The following AMPH variants were observed in gnomAD, a reference collection of about 807,000 sequenced individuals.
The protein encoded by AMPH is amphiphysin (Stiff-Mann syndrome with breast cancer 128kD autoantigen).
AMPH carries 49 observed loss-of-function variants against 99.1 expected under a neutral mutation model. The ratio of observed to expected loss-of-function variants is 0.49; its 90% CI spans 0.39 to 0.63. AMPH has a LOEUF of 0.63. Among genes scored for constraint, AMPH ranks in the 20% least tolerant of loss-of-function variants. AMPH has a pLI of 0.00. For synonymous variants in AMPH, 314 were observed against 317.3 expected, an observed-to-expected ratio of 0.99 and a Z score of 0.11; for missense variants, 759 against 863.4, an observed-to-expected ratio of 0.88 and a Z score of 1.52.
At chr7:38,524,181 A>G (rs1360812784) in intron 2 of AMPH, among the ~76,000 whole-genome samples, 1 of 152,188 alleles carries the variant, frequency 6.6e-6, no homozygotes, top group Non-Finnish European at 1.5e-5. Context: ...TGAGAAAAGT[A>G]TCGGGCAAAT....
chr7:38,610,296 GA>G (rs11317499), intron 1 of AMPH, among the ~76,000 whole-genome samples: 725 of 7,278 alleles, frequency 0.1, 40 homozygotes, highest in African/African-American at 0.22. Flanking sequence ...AAGAAAGAAA[GA>G]AAAGAAAAGA....
chr7:38,613,606 A>G (rs10257029), intron 1 of AMPH, among the ~76,000 whole-genome samples: 12,188 of 152,244 alleles, frequency 0.08, 803 homozygotes, highest in African/African-American at 0.17. Flanking sequence ...TGAACCTTTC[A>G]TAAAATGCTC....
chr7:38,433,180 C>T (rs767599828), intron 12 of AMPH, among the ~76,000 whole-genome samples: 3 of 152,110 alleles, frequency 2.0e-5, no homozygotes, highest in Admixed American at 6.5e-5. Context: ...ATTTGGGCTC[C>T]GTATTATAGA....
At chr7:38,516,889 C>T (rs2196675) in intron 2 of AMPH, among the ~76,000 whole-genome samples, 148,919 of 152,352 alleles carry the variant, frequency 0.98, 72,797 homozygotes, top group East Asian at 1. Context: ...ATTTTGGACC[C>T]TTCAGATTTA....
intron 1 of AMPH, among the ~76,000 whole-genome samples, chr7:38,576,836 C>T (rs1408085494): frequency 6.6e-6 from 1 of 152,162 alleles, no homozygotes; most frequent in Non-Finnish European, 1.5e-5. Context: ...TGCTAATCAA[C>T]AGTTGTGTGA....
At chr7:38,603,584 G>A (rs891719755) in intron 1 of AMPH, among the ~76,000 whole-genome samples, 15 of 152,258 alleles carry the variant, frequency 9.9e-5, no homozygotes, top group Admixed American at 9.8e-4. Flanking sequence ...TTCCATGGTG[G>A]CTTAAAACAG....
rs372846915 is a variant in AMPH at position 38,384,923 on chromosome 7, A to G, written c.1983T>C (p.Asp661=). The part of the protein sequence containing the change: ...VVPSDSEADQ[D]AGWLVGVKES... ...CCTTCACTCCCACCAGCCAGCCTGC[A>G]TCCTGAAAAACAATGACAGAACTTT... Residue 661 remains aspartate, a splice_region_variant and synonymous_variant, in exon 21 of 21, where the codon GAT becomes GAC. Coordinates refer to ENST00000356264, the MANE Select transcript of AMPH (RefSeq NM_001635.4). 9.3e-6 allele frequency: 15 copies of G among 1,613,302 alleles called. No individual in the cohort carries two copies. The African/African-American group carries it at 2.0e-4, about 22-fold the overall frequency.
intron 2 of AMPH, among the ~76,000 whole-genome samples, chr7:38,519,047 A>T (rs140488656): frequency 1.7e-4 from 26 of 152,338 alleles, no homozygotes; most frequent in Admixed American, 2.6e-4. Flanking sequence ...TCTGATAAAA[A>T]GGATAAGTTC....
At chr7:38,466,737 T>C (rs892247904) in intron 7 of AMPH, among the ~76,000 whole-genome samples, 29 of 152,192 alleles carry the variant, frequency 1.9e-4, no homozygotes, top group African/African-American at 6.8e-4. Context: ...AATGGTCTAG[T>C]TATTATTATG....
chr7:38,546,739 G>GGGT (rs1372641578), intron 1 of AMPH, among the ~76,000 whole-genome samples: 1 of 152,150 alleles, frequency 6.6e-6, no homozygotes, highest in Non-Finnish European at 1.5e-5. Context: ...TGGTGACCCT[G>GGGT]GGTAACACAC....
chr7:38,498,684 T>C (rs1789018140), intron 3 of AMPH, among the ~76,000 whole-genome samples: 2 of 152,248 alleles, frequency 1.3e-5, no homozygotes, highest in Non-Finnish European at 2.9e-5. Flanking sequence ...ATTTCACTTC[T>C]TCTAGCCTGA....
chr7:38,521,806 T>C lies in AMPH; in HGVS notation c.150+13125A>G, dbSNP rs911540602. Among the ~76,000 whole-genome samples the C allele has an allele frequency of 2.0e-5, 3 of 152,208 alleles. No individual in the cohort carries two copies. The East Asian group carries it at 5.8e-4, about 29-fold the overall frequency. On this transcript the variant is annotated intron_variant, in intron 2 of 20. Transcript: ENST00000356264. ...TACTTCAGTAGTACATTCTTTATTA[T>C]CCAGTTTTCTTACATGATAGTAATT...
intron 1 of AMPH, among the ~76,000 whole-genome samples, chr7:38,590,791 T>A (rs1041774989): frequency 6.6e-6 from 1 of 152,150 alleles, no homozygotes; most frequent in Non-Finnish European, 1.5e-5. Flanking sequence ...CTCTCAGAAG[T>A]TCCCTGGAAA....
chr7:38,448,972 T>C (rs1414761438), intron 11 of AMPH, among the ~76,000 whole-genome samples: 2 of 152,156 alleles, frequency 1.3e-5, no homozygotes, highest in Non-Finnish European at 2.9e-5. Flanking sequence ...CTTTTACATA[T>C]ATTATGACTA....
intron 1 of AMPH, among the ~76,000 whole-genome samples, chr7:38,564,108 G>C (rs1225814735): frequency 6.6e-6 from 1 of 152,110 alleles, no homozygotes; most frequent in Non-Finnish European, 1.5e-5. Flanking sequence ...TATTGAATTA[G>C]AACAAATCCC....
In AMPH at chr7:38,523,125, A is replaced by AGGG. The variant is rs1486349548; in HGVS notation, c.150+11805_150+11806insCCC. ...CTCTGTCTAAAAAAAAAAAAAAAGA[A>AGGG]GGTGGGGGAGAGCCCAAATAAAGCA... On this transcript the variant is annotated intron_variant, in intron 2 of 20. Coordinates refer to ENST00000356264, the MANE Select transcript of AMPH (RefSeq NM_001635.4). Among the ~76,000 whole-genome samples the AGGG allele has an allele frequency of 3.8e-4, 57 of 148,640 alleles. 2 individuals are homozygous for AGGG. The highest frequency in any genetic ancestry group is 4.6e-4 in the Admixed American group (7 of 15,098).
intron 1 of AMPH, among the ~76,000 whole-genome samples, chr7:38,568,418 T>C (rs1400129385): frequency 1.3e-5 from 2 of 152,154 alleles, no homozygotes; most frequent in African/African-American, 4.8e-5. Context: ...TAAGCCAAGA[T>C]TGTGCCACTG....
Position 38,590,327 on chromosome 7 carries a change from C to A in AMPH, c.69+40956G>T, listed in dbSNP as rs184414017. The stretch of plus-strand genomic sequence containing the variant: ...AACGGATGCCTCGCTGGATCAGGAG[C>A]ACAGCCCACACCCTGCCAGATCTGG... On this transcript the variant is annotated intron_variant, in intron 1 of 20. Transcript: ENST00000356264. Among the ~76,000 whole-genome samples the A allele has an allele frequency of 1.5e-4, 23 of 152,306 alleles. 1 individual carries two copies. The Middle Eastern group carries it at 0.024, about 158-fold the overall frequency.
chr7:38,465,460 G>GGC lies in AMPH; in HGVS notation c.749+5_749+6dup, dbSNP rs1434580346. 1.3e-6 allele frequency: 2 copies of GGC among 1,567,436 alleles called. No individual in the cohort carries two copies. The highest frequency in any genetic ancestry group is 1.7e-6 in the Non-Finnish European group (2 of 1,153,978). On this transcript the variant is annotated splice_region_variant and intron_variant, in intron 9 of 20. Transcript: ENST00000356264. Reference sequence around the variant, plus strand: ...CATTACAGGTGCTCCAATGAGCAGGGGCCTACCTGGGCGCTCCTTGGATGG... The same window carrying GGC: ...CATTACAGGTGCTCCAATGAGCAGGGGCGCCTACCTGGGCGCTCCTTGGATGG...
Sources: gnomAD v4.1 joint callset for allele counts (sites outside exome capture counted in the v4.1 genomes callset) on GRCh38, gnomAD v4.1.1 for gene constraint, MANE v1.5 for transcripts, NCBI Gene and HGNC (gene_info 2026-07-23, HGNC 2026-07-21) for gene names.